SLC8A3: variants seen among roughly 807,000 people sequenced by gnomAD.
The protein encoded by SLC8A3 is sodium/calcium exchanger 3.
SLC8A3 carries 37 observed loss-of-function variants against 65.4 expected under a neutral mutation model. The observed-to-expected ratio is 0.57, with a 90% CI of 0.44 to 0.74. SLC8A3 has a LOEUF of 0.74. Ranked by LOEUF, SLC8A3 falls within the 30% of genes least tolerant of loss-of-function variation. The pLI, the probability that SLC8A3 is intolerant of heterozygous loss-of-function variation, is 0.00. For synonymous variants in SLC8A3, 461 were observed against 444.5 expected (o/e 1.04, Z -0.47); for missense variants, 1,112 against 1,172.1 (o/e 0.95, Z 0.75).
At chr14:70,068,549 T>C (rs572127106) in intron 2 of SLC8A3, among the ~76,000 whole-genome samples, 5 of 151,984 alleles carry the variant, frequency 3.3e-5, no homozygotes, top group Non-Finnish European at 5.9e-5. Context: ...AGCTAATTTT[T>C]AAAAAATTAT....
chr14:70,048,902 AGC>A lies in SLC8A3; in HGVS notation c.2252_2253del (p.Cys751PhefsTer183). The A allele has an allele frequency of 6.2e-7, 1 of 1,614,210 alleles. No individual in the cohort carries two copies. The highest frequency in any genetic ancestry group is 8.5e-7 in the Non-Finnish European group (1 of 1,180,034). On this transcript the variant is annotated frameshift_variant, in exon 6 of 7. Transcript: ENST00000356921. LOFTEE classifies it high-confidence loss of function. Reference protein sequence around the residue: ...PPTEYCHGWACFAVSILIIGM... With the variant: ...PPTEYCHGWAXFAVSILIIGM... Reference sequence around the variant, plus strand: ...CCAATGATGAGGATGGAGACGGCGAAGCAGGCCCAGCCGTGGCAGTACTCTGT... The same window carrying A: ...CCAATGATGAGGATGGAGACGGCGAAAGGCCCAGCCGTGGCAGTACTCTGT...
intron 5 of SLC8A3, among the ~76,000 whole-genome samples, chr14:70,049,789 A>T (rs1887265211): frequency 1.3e-5 from 2 of 152,288 alleles, no homozygotes; most frequent in Middle Eastern, 3.4e-3. Context: ...TCTGGTCATT[A>T]TCTGTCCCCT....
At chr14:70,069,519 C>T (rs549519856) in intron 2 of SLC8A3, among the ~76,000 whole-genome samples, 5 of 152,294 alleles carry the variant, frequency 3.3e-5, no homozygotes, top group African/African-American at 4.8e-5. Context: ...GGAGGAGCTG[C>T]GAACCTTTCC....
chr14:70,084,465 A>T (rs1277611062), intron 2 of SLC8A3, among the ~76,000 whole-genome samples: 1 of 152,206 alleles, frequency 6.6e-6, no homozygotes, highest in Non-Finnish European at 1.5e-5. Flanking sequence ...CAAGCTGAAC[A>T]CATTTTTTTC....
chr14:70,052,051 T>C lies in SLC8A3; in HGVS notation c.1952A>G (p.Lys651Arg). 1.9e-6 allele frequency: 3 copies of C among 1,613,188 alleles called. No individual in the cohort carries two copies. The highest frequency in any genetic ancestry group is 2.2e-5 in the South Asian group (2 of 90,864). Residue 651 changes from lysine (K) to arginine (R), a missense_variant, in exon 4 of 7, where the codon AAG becomes AGG. Lys to Arg is a conservative substitution (Grantham distance 26, BLOSUM62 2). Transcript: ENST00000356921. ...EEAKRIAEMG[K>R]PVLGEHPKLE... ...TTTGGGGTGTTCACCCAATACTGGCTTTCCCATCTCTGCTATCCTCTTGGC... is the reference window on the plus strand; with the variant it reads ...TTTGGGGTGTTCACCCAATACTGGCCTTCCCATCTCTGCTATCCTCTTGGC...
Position 70,048,522 on chromosome 14 carries a change from G to T in SLC8A3, c.2389+245C>A. ...TAGGGCTTTGGGAAACATTACAGGG[G>T]GAAAATGTAAATGTGTAAATTGCTG... On this transcript the variant is annotated intron_variant, in intron 6 of 6. Transcript: ENST00000356921. The T allele has an allele frequency of 4.8e-6, 3 of 627,062 alleles. No individual in the cohort carries two copies. In the South Asian group the frequency reaches 5.6e-5, roughly 12 times the overall value. 38.8% of individuals were successfully genotyped at this position (627,062 alleles called of 1,614,324 possible). A position where few individuals can be genotyped will look rare whatever the true frequency, so the allele number is the denominator to read the frequency against.
chr14:70,159,363 A>G (rs754915228), intron 2 of SLC8A3, among the ~76,000 whole-genome samples: 4 of 148,428 alleles, frequency 2.7e-5, no homozygotes, highest in Non-Finnish European at 5.9e-5. Flanking sequence ...AGCTCAGATT[A>G]TGCCACTTCA....
At chr14:70,159,667 T>A (rs2140338147) in intron 2 of SLC8A3, among the ~76,000 whole-genome samples, 1 of 152,312 alleles carries the variant, frequency 6.6e-6, no homozygotes, top group Non-Finnish European at 1.5e-5. Context: ...TTTGAGTGGA[T>A]GAGGAAACTG....
intron 1 of SLC8A3, among the ~76,000 whole-genome samples, chr14:70,175,339 G>A (rs888508393): frequency 1.3e-5 from 2 of 152,172 alleles, no homozygotes; most frequent in African/African-American, 4.8e-5. Context: ...GAAATGAGGA[G>A]ATAGGGGCCT....
At chr14:70,182,293 G>A (rs1434375893) in intron 1 of SLC8A3, among the ~76,000 whole-genome samples, 1 of 152,122 alleles carries the variant, frequency 6.6e-6, no homozygotes, top group South Asian at 2.1e-4. Context: ...CTGTGCACAC[G>A]GCTGGAAACA....
At chr14:70,117,340 T>A (rs915287589) in intron 2 of SLC8A3, among the ~76,000 whole-genome samples, 1 of 152,236 alleles carries the variant, frequency 6.6e-6, no homozygotes, top group African/African-American at 2.4e-5. Flanking sequence ...TTAGAGCTCC[T>A]CATGGCCCAG....
intron 2 of SLC8A3, among the ~76,000 whole-genome samples, chr14:70,155,112 G>T (rs1594773036): frequency 6.6e-6 from 1 of 151,664 alleles, no homozygotes; most frequent in Non-Finnish European, 1.5e-5. Flanking sequence ...GTAGAGACGG[G>T]GTTTCACCAT....
rs763392429 is a variant in SLC8A3, at chr14:70,167,010, G to A, written c.1413C>T (p.Asp471=). ...QKEFSVGIID[D]DIFEEDEHFF... is the part of the protein sequence containing the mutation. Reference sequence around the variant, plus strand: ...AGTGTTCATCCTCCTCAAAAATGTCGTCATCAATTATGCCCACGGAGAACT... The same window carrying A: ...AGTGTTCATCCTCCTCAAAAATGTCATCATCAATTATGCCCACGGAGAACT... Residue 471 remains aspartate, a synonymous_variant, in exon 2 of 7, where the codon GAC becomes GAT. Coordinates refer to ENST00000356921, the MANE Select transcript of SLC8A3 (RefSeq NM_182932.3). 4.5e-5 allele frequency: 72 copies of A among 1,613,790 alleles called. 2 individuals carry two copies. The South Asian group carries it at 6.0e-4, about 14-fold the overall frequency.
At chr14:70,143,372 T>C (rs1426747401) in intron 2 of SLC8A3, among the ~76,000 whole-genome samples, 1 of 152,188 alleles carries the variant, frequency 6.6e-6, no homozygotes, top group African/African-American at 2.4e-5. Flanking sequence ...AAGTAGGCAC[T>C]AAGGAGCCAG....
rs147788335 is a variant in SLC8A3, at chr14:70,048,859, A to G, written c.2297T>C (p.Ile766Thr). ...GCCGAAGTGCGAGGCCAGGTCCCCA[A>G]TGATGGCGGTGAGCATGCCAATGAT... ...ILIIGMLTAI[I>T]GDLASHFGCT... is the part of the protein sequence containing the mutation. Residue 766 changes from isoleucine to threonine, a missense_variant, in exon 6 of 7, where the codon ATT (isoleucine) becomes ACT (threonine). Physicochemically the swap from Ile to Thr is moderately conservative, Grantham distance 89. Transcript: ENST00000356921. 922 of 1,614,168 alleles carry G rather than the reference A, an allele frequency of 5.7e-4. 1 individual carries two copies. The highest frequency in any genetic ancestry group is 6.9e-4 in the Non-Finnish European group (816 of 1,180,014).
chr14:70,135,922 T>C (rs1044762562), intron 2 of SLC8A3, among the ~76,000 whole-genome samples: 24 of 152,262 alleles, frequency 1.6e-4, no homozygotes, highest in African/African-American at 5.1e-4. Flanking sequence ...ATCAAAGAAA[T>C]GAGAAATGTT....
chr14:70,177,179 A>C (rs909085521), intron 1 of SLC8A3, among the ~76,000 whole-genome samples: 1 of 152,238 alleles, frequency 6.6e-6, no homozygotes, highest in Non-Finnish European at 1.5e-5. Context: ...CATATCACAG[A>C]TGCTCAGTAT....
At chr14:70,065,897 T>C (rs138692689) in intron 2 of SLC8A3, among the ~76,000 whole-genome samples, 24 of 152,332 alleles carry the variant, frequency 1.6e-4, no homozygotes, top group African/African-American at 5.1e-4. Flanking sequence ...AAATCCTAAA[T>C]GGGCTATTAG....
intron 3 of SLC8A3, among the ~76,000 whole-genome samples, chr14:70,059,657 G>A (rs987991760): frequency 6.6e-6 from 1 of 152,186 alleles, no homozygotes; most frequent in African/African-American, 2.4e-5. Flanking sequence ...CAGGTCCTGA[G>A]GAAAGCAGGA....
Sources: gnomAD v4.1 joint callset for allele counts (sites outside exome capture counted in the v4.1 genomes callset) on GRCh38, gnomAD v4.1.1 for gene constraint, MANE v1.5 for transcripts, NCBI Gene and HGNC (gene_info 2026-07-23, HGNC 2026-07-21) for gene names.